The following CCDC30 variants were observed in gnomAD, a reference collection of about 807,000 sequenced individuals.
The protein encoded by CCDC30 is coiled-coil domain containing 30.
Under a neutral mutation model 100.2 loss-of-function variants are expected in CCDC30, and 70 were observed. That is an observed-to-expected ratio of 0.70 (90% confidence interval 0.58 to 0.85). The LOEUF (loss-of-function observed/expected upper bound fraction) is 0.85. CCDC30 is among the 40% of genes least tolerant of loss of function. The pLI, the probability that CCDC30 is intolerant of heterozygous loss-of-function variation, is 0.00. For synonymous variants in CCDC30, 233 were observed against 269.5 expected (o/e 0.86, Z 1.33); for missense variants, 652 against 771.2 (o/e 0.85, Z 1.83).
At chr1:42,456,246 A>T in the CCDC30 span, 114 of 605,974 alleles carry the variant, frequency 1.9e-4, 1 homozygote, top group African/African-American at 2.1e-3. Flanking sequence ...AAGGAGTCCA[A>T]GTCCAGAAAG....
chr1:42,584,868 A>G (rs1459867988), intron 9 of CCDC30, among the ~76,000 whole-genome samples: 1 of 152,080 alleles, frequency 6.6e-6, no homozygotes, highest in Admixed American at 6.5e-5. Flanking sequence ...TAATATCTGT[A>G]TCTGGTTTTG....
intron 1 of CCDC30, among the ~76,000 whole-genome samples, chr1:42,471,236 T>C (rs1643760350): frequency 1.3e-5 from 2 of 152,160 alleles, no homozygotes; most frequent in African/African-American, 4.8e-5. Flanking sequence ...GATCCAAAGG[T>C]ATTTTCCAAT....
At chr1:42,531,575 A>G (rs188393337) in intron 6 of CCDC30, among the ~76,000 whole-genome samples, 2 of 152,264 alleles carry the variant, frequency 1.3e-5, no homozygotes, top group Admixed American at 6.5e-5. Context: ...AGCCTGGGCA[A>G]CATGGCAAAA....
At chr1:42,513,211 GGA>G (rs757669664) in intron 6 of CCDC30, among the ~76,000 whole-genome samples, 1 of 152,170 alleles carries the variant, frequency 6.6e-6, no homozygotes. Flanking sequence ...GCAGAAGAAA[GGA>G]GAGAGGAGAG....
At chr1:42,482,666 C>T in exon 3 of CCDC30, 1 of 1,232,922 alleles carries the variant, frequency 8.1e-7, no homozygotes, top group Non-Finnish European at 1.0e-6. Context: ...ATTTCAGTAT[C>T]ATAATGAAGA....
chr1:42,624,922 C>G (rs1079495), intron 11 of CCDC30, among the ~76,000 whole-genome samples: 19,097 of 152,150 alleles, frequency 0.13, 1,394 homozygotes, highest in East Asian at 0.28. Flanking sequence ...GAAAGATTTC[C>G]TTCTCCTCTA....
intron 11 of CCDC30, among the ~76,000 whole-genome samples, chr1:42,624,976 T>C (rs1646904816): frequency 6.6e-6 from 1 of 152,210 alleles, no homozygotes; most frequent in Non-Finnish European, 1.5e-5. Flanking sequence ...TTTCTTTAAG[T>C]GTTTGGTAGA....
chr1:42,470,271 T>G (rs1044906486), intron 1 of CCDC30, among the ~76,000 whole-genome samples: 3 of 138,928 alleles, frequency 2.2e-5, no homozygotes, highest in African/African-American at 8.1e-5. Context: ...GAGCAACTGC[T>G]TCACACCCAT....
chr1:42,576,997 T>C (rs760970766), intron 7 of CCDC30, 23 bp from the exon 12 acceptor site: 3 of 1,540,056 alleles, frequency 1.9e-6, no homozygotes, highest in Non-Finnish European at 2.7e-6. Flanking sequence ...TTTGTATTAC[T>C]CTTACTTATT....
rs140879320 is a variant in CCDC30, at chr1:42,625,239, TG to T, written c.1278-11997del. ...GTATTAGTTGTAATATCTCATTTTT[TG>T]TCCCTGATTTTATTTATTTGGATCT... On this transcript the variant is annotated intron_variant, in intron 11 of 16. Coordinates refer to ENST00000668663, the Ensembl canonical transcript of CCDC30. Among the ~76,000 whole-genome samples the T allele has an allele frequency of 8.0e-3, 1,224 of 152,298 alleles. 18 individuals are homozygous for T. Among genetic ancestry groups the T allele is most frequent in the African/African-American group, 0.027 (1,134 of 41,580 alleles).
chr1:42,623,891 T>C (rs1646885591), intron 11 of CCDC30, among the ~76,000 whole-genome samples: 2 of 152,204 alleles, frequency 1.3e-5, no homozygotes, highest in African/African-American at 4.8e-5. Flanking sequence ...TGTTCTTTGG[T>C]GTCCTTCAAT....
At chr1:42,506,095 C>T (rs1387028121) in intron 6 of CCDC30, among the ~76,000 whole-genome samples, 1 of 152,180 alleles carries the variant, frequency 6.6e-6, no homozygotes, top group Non-Finnish European at 1.5e-5. Context: ...ATTTTATTCA[C>T]AAGAGTATAC....
chr1:42,500,279 T>A, intron 6 of CCDC30: 1 of 1,610,838 alleles, frequency 6.2e-7, no homozygotes. Context: ...TGCGTCTCTG[T>A]CTTCTTCAGT....
intron 11 of CCDC30, among the ~76,000 whole-genome samples, chr1:42,622,109 G>T (rs767275203): frequency 2.0e-5 from 3 of 151,918 alleles, no homozygotes; most frequent in Non-Finnish European, 2.9e-5. Context: ...CCAGTCTCTG[G>T]TAACCATCTT....
intron 10 of CCDC30, among the ~76,000 whole-genome samples, chr1:42,607,097 G>C (rs1646516539): frequency 6.6e-6 from 1 of 152,176 alleles, no homozygotes; most frequent in South Asian, 2.1e-4. Context: ...AAAGGAAAGT[G>C]AAGAATTTAA....
intron 15 of CCDC30, among the ~76,000 whole-genome samples, chr1:42,647,429 A>C (rs1450445467): frequency 1.3e-5 from 2 of 152,208 alleles, no homozygotes; most frequent in African/African-American, 4.8e-5. Flanking sequence ...CAGAGCTCCC[A>C]AATATATAAG....
intron 6 of CCDC30, among the ~76,000 whole-genome samples, chr1:42,525,787 AG>A (rs1199352722): frequency 2.0e-5 from 3 of 152,132 alleles, no homozygotes; most frequent in African/African-American, 7.2e-5. Flanking sequence ...CTTTTATTCT[AG>A]GGCTAGAATA....
intron 9 of CCDC30, among the ~76,000 whole-genome samples, chr1:42,586,153 A>G (rs1646064535): frequency 6.6e-6 from 1 of 152,254 alleles, no homozygotes; most frequent in South Asian, 2.1e-4. Flanking sequence ...AGTTGGTATC[A>G]AGAAGCTAAA....
intron 10 of CCDC30, among the ~76,000 whole-genome samples, chr1:42,604,216 G>A (rs1311650366): frequency 2.0e-5 from 3 of 152,074 alleles, no homozygotes; most frequent in Admixed American, 6.6e-5. Flanking sequence ...CAAGACCCAC[G>A]CTCTAAAAAA....
Sources: allele counts gnomAD v4.1 joint callset (sites outside exome capture counted in the v4.1 genomes callset), GRCh38; gene constraint gnomAD v4.1.1; transcripts MANE v1.5; gene names NCBI Gene and HGNC (gene_info 2026-07-23, HGNC 2026-07-21).